The following NTN1 variants were observed in gnomAD, a reference collection of about 807,000 sequenced individuals.
The protein encoded by NTN1 is netrin 1.
NTN1 carries 11 observed loss-of-function variants against 54.2 expected under a neutral mutation model. That is an observed-to-expected ratio of 0.20 (90% CI 0.13 to 0.34). NTN1 has a LOEUF of 0.34. NTN1 is among the 10% of genes least tolerant of loss of function. NTN1 has a pLI of 1.00. For synonymous variants in NTN1, 371 were observed against 382.0 expected, an observed-to-expected ratio of 0.97 and a Z score of 0.33; for missense variants, 740 against 893.1, an observed-to-expected ratio of 0.83 and a Z score of 2.18.
At chr17:9,139,502 A>C (rs2070413627) in intron 2 of NTN1, among the ~76,000 whole-genome samples, 1 of 152,156 alleles carries the variant, frequency 6.6e-6, no homozygotes, top group Non-Finnish European at 1.5e-5. Context: ...CAAGAGAAGG[A>C]GTCCACGCTG....
chr17:9,174,240 C>G (rs893593046), intron 3 of NTN1: 1 of 152,294 alleles, frequency 6.6e-6, no homozygotes, highest in Non-Finnish European at 1.5e-5. Context: ...CATGGCCTGC[C>G]ATGGAGAAGG....
chr17:9,085,588 C>G (rs1488907779), intron 2 of NTN1, among the ~76,000 whole-genome samples: 3 of 152,190 alleles, frequency 2.0e-5, no homozygotes. Flanking sequence ...ATCTACAGAT[C>G]AACGTCCACA....
rs561448362 is a variant in NTN1, at chr17:9,031,957, A to G, written c.1018+8566A>G. ...GCCTGGGTGATAGAGATGGTGTCTC[A>G]AAAACAAACAAAAAAAGAAGATAAA... On this transcript the variant is annotated intron_variant, in intron 2 of 6. Coordinates refer to ENST00000173229, the MANE Select transcript of NTN1 (RefSeq NM_004822.3). Among the ~76,000 whole-genome samples the G allele has an allele frequency of 2.0e-5, 3 of 150,594 alleles. No homozygotes were observed. In the East Asian group the frequency reaches 5.8e-4, roughly 29 times the overall value.
chr17:9,032,044 A>T (rs1162223457), intron 2 of NTN1, among the ~76,000 whole-genome samples: 1 of 152,102 alleles, frequency 6.6e-6, no homozygotes, highest in African/African-American at 2.4e-5. Context: ...TGTTTCCATC[A>T]AGGAGGCTGT....
chr17:9,123,093 C>T (rs952687864), intron 2 of NTN1, among the ~76,000 whole-genome samples: 3 of 152,120 alleles, frequency 2.0e-5, no homozygotes, highest in Admixed American at 6.6e-5. Context: ...GGAATAAGCA[C>T]ATGTTTAAGA....
At chr17:9,092,583 C>T (rs1383993013) in intron 2 of NTN1, among the ~76,000 whole-genome samples, 4 of 152,000 alleles carry the variant, frequency 2.6e-5, no homozygotes, top group Non-Finnish European at 5.9e-5. Context: ...AGCCATGGCG[C>T]CCAGCCTGGA....
chr17:9,227,498 TAC>T (rs201153053), intron 6 of NTN1, among the ~76,000 whole-genome samples: 9,176 of 142,872 alleles, frequency 0.064, 383 homozygotes, highest in South Asian at 0.11. Context: ...CACATGCACA[TAC>T]ACACCATCAC....
intron 4 of NTN1, among the ~76,000 whole-genome samples, chr17:9,182,100 C>G (rs1390676752): frequency 6.6e-6 from 1 of 152,212 alleles, no homozygotes; most frequent in Non-Finnish European, 1.5e-5. Flanking sequence ...GCCTCAGCCT[C>G]CTGAGTGGCT....
rs200644287 is a variant in NTN1, at chr17:9,179,859, C to T, written c.1260C>T (p.Thr420=). The T allele has an allele frequency of 2.2e-5, 35 of 1,614,088 alleles. No homozygotes were observed. The highest frequency in any genetic ancestry group is 1.6e-4 in the Middle Eastern group (1 of 6,062). ...GAAGKTCNQT[T]GQCPCKDGVT... ...CTGGCAAAACCTGCAACCAAACCACCGGCCAGTGTCCCTGCAAGGACGGCG... is the reference window on the plus strand; with the variant it reads ...CTGGCAAAACCTGCAACCAAACCACTGGCCAGTGTCCCTGCAAGGACGGCG... The change falls in exon 4 of 7, where the codon ACC becomes ACT. Residue 420 remains threonine (T), a synonymous_variant. Coordinates refer to ENST00000173229, the MANE Select transcript of NTN1 (RefSeq NM_004822.3).
chr17:9,194,620 T>C (rs1260455002), intron 5 of NTN1, among the ~76,000 whole-genome samples: 1 of 151,994 alleles, frequency 6.6e-6, no homozygotes, highest in Non-Finnish European at 1.5e-5. Context: ...TCCTACTGGA[T>C]GCCAGCACCT....
chr17:9,041,083 C>T (rs949714201), intron 2 of NTN1, among the ~76,000 whole-genome samples: 2 of 151,950 alleles, frequency 1.3e-5, no homozygotes, highest in Non-Finnish European at 2.9e-5. Flanking sequence ...AAACTGTGCT[C>T]TTTTTTTAAA....
intron 2 of NTN1, among the ~76,000 whole-genome samples, chr17:9,136,590 CAAAAAAAGA>C (rs1045132927): frequency 2.6e-5 from 4 of 151,592 alleles, no homozygotes; most frequent in South Asian, 2.1e-4. Context: ...AAGAAACAAA[CAAAAAAAGA>C]AAAAAAAGAA....
intron 2 of NTN1, among the ~76,000 whole-genome samples, chr17:9,068,263 C>G (rs754780181): frequency 5.3e-5 from 8 of 152,072 alleles, no homozygotes; most frequent in Non-Finnish European, 1.2e-4. Flanking sequence ...CTCACTGCAG[C>G]CTTGACCTCC....
intron 5 of NTN1, among the ~76,000 whole-genome samples, chr17:9,208,908 C>T (rs1249388671): frequency 6.6e-6 from 1 of 152,228 alleles, no homozygotes; most frequent in Non-Finnish European, 1.5e-5. Flanking sequence ...AAGGACTGGA[C>T]CCAGGACACT....
chr17:9,227,498 TACAC>T (rs201153053), intron 6 of NTN1, among the ~76,000 whole-genome samples: 3 of 142,768 alleles, frequency 2.1e-5, no homozygotes, highest in South Asian at 2.2e-4. Flanking sequence ...CACATGCACA[TACAC>T]ACCATCACAC....
At chr17:9,064,475 C>T (rs544312007) in intron 2 of NTN1, among the ~76,000 whole-genome samples, 20 of 152,314 alleles carry the variant, frequency 1.3e-4, no homozygotes, top group South Asian at 1.0e-3. Context: ...GCACCTCAAG[C>T]TGCTCAGGCC....
At chr17:9,029,588 G>A (rs1247612961) in intron 2 of NTN1, among the ~76,000 whole-genome samples, 2 of 152,244 alleles carry the variant, frequency 1.3e-5, no homozygotes, top group Non-Finnish European at 2.9e-5. Flanking sequence ...CTCTCATGAG[G>A]TTTGACTTGC....
chr17:9,209,012 T>G (rs1905034712), intron 5 of NTN1, among the ~76,000 whole-genome samples: 1 of 152,218 alleles, frequency 6.6e-6, no homozygotes, highest in African/African-American at 2.4e-5. Flanking sequence ...CCCTCCACTC[T>G]CAGCTGCAGA....
chr17:9,223,863 A>G (rs1045886885), intron 6 of NTN1, among the ~76,000 whole-genome samples: 1 of 152,172 alleles, frequency 6.6e-6, no homozygotes, highest in Non-Finnish European at 1.5e-5. Context: ...TTCCCTGCAC[A>G]AGGCCTAGGG....
Sources: gnomAD v4.1 joint callset for allele counts (sites outside exome capture counted in the v4.1 genomes callset) on GRCh38, gnomAD v4.1.1 for gene constraint, MANE v1.5 for transcripts, NCBI Gene and HGNC (gene_info 2026-07-23, HGNC 2026-07-21) for gene names.